Variants in CCDC148 observed in about 807,000 individuals in gnomAD.
The protein encoded by CCDC148 is coiled-coil domain-containing protein 148.
A neutral mutation model predicts 85.7 loss-of-function variants in CCDC148; 89 were observed. The observed-to-expected ratio is 1.04, with a 90% CI of 0.87 to 1.24. CCDC148 has a LOEUF of 1.24. Among genes scored for constraint, CCDC148 ranks in the 50% most tolerant of loss-of-function variants. The probability of loss-of-function intolerance (pLI) is 0.00; values close to 1 mark genes in which losing one functional copy is unlikely to be tolerated. For synonymous variants in CCDC148, 230 were observed against 213.9 expected (o/e 1.08, Z -0.66); for missense variants, 692 against 671.7 (o/e 1.03, Z -0.33).
intron 9 of CCDC148, among the ~76,000 whole-genome samples, chr2:158,289,529 T>C (rs4664948): frequency 0.34 from 51,911 of 152,020 alleles, 11,178 homozygotes; most frequent in South Asian, 0.61. Context: ...TACAATGAAA[T>C]ACCACAATAC....
chr2:158,195,059 C>A (rs536989557), intron 11 of CCDC148, among the ~76,000 whole-genome samples: 1 of 152,014 alleles, frequency 6.6e-6, no homozygotes, highest in South Asian at 2.1e-4. Flanking sequence ...CCATCTGAGA[C>A]CCTCCCTACC....
intron 2 of CCDC148, among the ~76,000 whole-genome samples, chr2:158,346,872 TGG>T (rs1444851694): frequency 6.6e-6 from 1 of 152,208 alleles, no homozygotes; most frequent in Non-Finnish European, 1.5e-5. Context: ...TCTGCTGTTC[TGG>T]TTACTGATTC....
chr2:158,220,677 G>A lies in CCDC148; in HGVS notation c.1288C>T (p.Gln430Ter), dbSNP rs374944002. 71 of 1,584,562 alleles carry A rather than the reference G, an allele frequency of 4.5e-5. No homozygotes were observed. In the Middle Eastern group the frequency reaches 8.3e-4, roughly 19 times the overall value. The change falls in exon 11 of 14, where the codon CAA becomes TAA. Residue 430 changes from glutamine to a stop codon, truncating the protein, a stop_gained. Transcript: ENST00000283233. LOFTEE classifies it high-confidence loss of function. Reference protein sequence around the residue: ...KYWAKKKQKWQEMEMRDLQRL... With the variant: ...KYWAKKKQKW Reference sequence around the variant, plus strand: ...TGAAGATCTCTCATTTCCATTTCTTGCCACTTCTGTTTTTTCTTGGCCCAG... The same window carrying A: ...TGAAGATCTCTCATTTCCATTTCTTACCACTTCTGTTTTTTCTTGGCCCAG...
At position 158,338,873 on chromosome 2, in the gene CCDC148, G is replaced by A. The variant is rs141574148; in HGVS notation, c.617C>T (p.Pro206Leu). The A allele has an allele frequency of 8.7e-5, 140 of 1,607,826 alleles. 1 individual carries two copies. In the African/African-American group the frequency reaches 1.5e-3, roughly 17 times the overall value. Reference sequence around the variant, plus strand: ...TAATTCAATGGGCAGTTCACTAAGCGGGTTAGTCTTTTCTTCCAAAGAATG... The same window carrying A: ...TAATTCAATGGGCAGTTCACTAAGCAGGTTAGTCTTTTCTTCCAAAGAATG... Reference protein sequence around the residue: ...LDHSLEEKTNPLSELPIELES... With the variant: ...LDHSLEEKTNLLSELPIELES... The change falls in exon 7 of 14, where the codon CCG becomes CTG. Residue 206 changes from proline (P) to leucine (L), a missense_variant. Physicochemically the swap from Pro to Leu is moderately conservative, Grantham distance 98. Coordinates refer to ENST00000283233, the MANE Select transcript of CCDC148 (RefSeq NM_138803.4).
chr2:158,352,640 G>A (rs1334804248), intron 2 of CCDC148, among the ~76,000 whole-genome samples: 9 of 152,140 alleles, frequency 5.9e-5, no homozygotes, highest in Non-Finnish European at 1.2e-4. Context: ...GAACCAAGTT[G>A]GAAAACAGTC....
intron 1 of CCDC148, among the ~76,000 whole-genome samples, chr2:158,422,259 A>G (rs573269719): frequency 5.9e-5 from 9 of 152,318 alleles, no homozygotes; most frequent in African/African-American, 1.4e-4. Context: ...TCATCCTGAT[A>G]CCAAAGCCTG....
At chr2:158,442,104 A>C (rs1292413424) in intron 1 of CCDC148, among the ~76,000 whole-genome samples, 1 of 152,160 alleles carries the variant, frequency 6.6e-6, no homozygotes, top group Non-Finnish European at 1.5e-5. Flanking sequence ...TATTTAAAAA[A>C]TTTGCTTTGA....
At chr2:158,275,924 T>C (rs1689920636) in intron 9 of CCDC148, among the ~76,000 whole-genome samples, 1 of 152,108 alleles carries the variant, frequency 6.6e-6, no homozygotes, top group Non-Finnish European at 1.5e-5. Context: ...ATCTATTCAC[T>C]TTAAAATCAA....
intron 9 of CCDC148, among the ~76,000 whole-genome samples, chr2:158,269,918 A>C (rs1689626991): frequency 6.6e-6 from 1 of 152,214 alleles, no homozygotes. Flanking sequence ...AAAGTATTTC[A>C]GTTCAAAAGG....
chr2:158,213,948 G>C (rs534215183), intron 11 of CCDC148, among the ~76,000 whole-genome samples: 2 of 152,132 alleles, frequency 1.3e-5, no homozygotes, highest in South Asian at 4.2e-4. Context: ...AACAACTACT[G>C]CATGCGAAAG....
intron 11 of CCDC148, among the ~76,000 whole-genome samples, chr2:158,185,146 C>A (rs1685094088): frequency 2.0e-5 from 3 of 152,154 alleles, no homozygotes; most frequent in Admixed American, 2.0e-4. Flanking sequence ...AGAGCAGGAC[C>A]TTTCAACCCC....
intron 1 of CCDC148, among the ~76,000 whole-genome samples, chr2:158,423,656 G>A (rs1350195402): frequency 6.6e-6 from 1 of 152,190 alleles, no homozygotes; most frequent in Middle Eastern, 3.4e-3. Context: ...ATAGGCATGG[G>A]CAAAGACTTC....
chr2:158,329,485 C>T (rs1451065950), intron 7 of CCDC148, among the ~76,000 whole-genome samples: 11 of 151,874 alleles, frequency 7.2e-5, no homozygotes, highest in Non-Finnish European at 1.0e-4. Flanking sequence ...ATTGACTTGG[C>T]GATGTGGGCT....
intron 1 of CCDC148, among the ~76,000 whole-genome samples, chr2:158,405,233 T>C (rs1685948482): frequency 6.6e-6 from 1 of 152,132 alleles, no homozygotes; most frequent in Admixed American, 6.6e-5. Context: ...ATTTTAATTT[T>C]GAACCATTAT....
chr2:158,263,113 T>C (rs1201319276), intron 9 of CCDC148, among the ~76,000 whole-genome samples: 1 of 152,060 alleles, frequency 6.6e-6, no homozygotes, highest in Admixed American at 6.6e-5. Flanking sequence ...CATGAAGGTT[T>C]CACACAGCTG....
At chr2:158,376,586 T>A (rs906748843) in intron 1 of CCDC148, among the ~76,000 whole-genome samples, 3 of 152,078 alleles carry the variant, frequency 2.0e-5, no homozygotes, top group Non-Finnish European at 4.4e-5. Flanking sequence ...TAATGCATTT[T>A]GTATTATTGC....
chr2:158,387,275 C>T (rs1685124348), intron 1 of CCDC148, among the ~76,000 whole-genome samples: 1 of 123,452 alleles, frequency 8.1e-6, no homozygotes, highest in African/African-American at 3.2e-5. Context: ...CACAGGCCCA[C>T]ACATTTATAT....
chr2:158,372,666 G>A (rs943883814), intron 1 of CCDC148, among the ~76,000 whole-genome samples: 4 of 151,964 alleles, frequency 2.6e-5, no homozygotes, highest in South Asian at 2.1e-4. Context: ...TATCCTATAT[G>A]TAGAATTTTA....
intron 1 of CCDC148, among the ~76,000 whole-genome samples, chr2:158,385,346 T>C (rs1294444825): frequency 2.0e-5 from 3 of 152,126 alleles, no homozygotes; most frequent in African/African-American, 7.2e-5. Flanking sequence ...ACACAGAACA[T>C]ATATGCTAGA....
Sources: gnomAD v4.1 joint callset for allele counts (sites outside exome capture counted in the v4.1 genomes callset) on GRCh38, gnomAD v4.1.1 for gene constraint, MANE v1.5 for transcripts, NCBI Gene and HGNC (gene_info 2026-07-23, HGNC 2026-07-21) for gene names.